Variants in HYLS1 observed in about 807,000 individuals in gnomAD.
HYLS1 encodes the protein HYLS1 centriolar and ciliogenesis associated, also known as centriolar and ciliogenesis-associated protein HYLS1.
HYLS1 carries 25 observed loss-of-function variants against 29.4 expected under a neutral mutation model. The ratio of observed to expected loss-of-function variants is 0.85; its 90% CI spans 0.62 to 1.19. The LOEUF (loss-of-function observed/expected upper bound fraction) is 1.19. HYLS1 is among the 50% of genes most tolerant of loss of function. The probability of loss-of-function intolerance (pLI) is 0.00; values close to 1 mark genes in which losing one functional copy is unlikely to be tolerated. For synonymous variants in HYLS1, 128 were observed against 126.7 expected (o/e 1.01, Z -0.07); for missense variants, 352 against 365.1 (o/e 0.96, Z 0.29).
At chr11:125,894,242 T>C in intron 2 of HYLS1, 1 of 1,613,026 alleles carries the variant, frequency 6.2e-7, no homozygotes, top group African/African-American at 1.3e-5. Flanking sequence ...CTTGACATTT[T>C]CAAACTTACA....
At chr11:125,888,882 C>T (rs1268251540) in intron 1 of HYLS1, among the ~76,000 whole-genome samples, 1 of 151,584 alleles carries the variant, frequency 6.6e-6, no homozygotes, top group Admixed American at 6.6e-5. Flanking sequence ...ATAAATCGGA[C>T]AAGAATGCAA....
At chr11:125,893,731 T>G (rs1944480284) in intron 2 of HYLS1, 1 of 1,385,410 alleles carries the variant, frequency 7.2e-7, no homozygotes, top group African/African-American at 1.5e-5. Flanking sequence ...TTTTTTTTCC[T>G]TTTCTGTCCA....
intron 1 of HYLS1, among the ~76,000 whole-genome samples, chr11:125,889,550 A>G (rs1429584936): frequency 2.0e-5 from 3 of 152,244 alleles, no homozygotes; most frequent in African/African-American, 7.2e-5. Flanking sequence ...CCTGGCCAAC[A>G]TGGTGAAACC....
chr11:125,896,143 C>A, intron 2 of HYLS1: 1 of 1,614,214 alleles, frequency 6.2e-7, no homozygotes, highest in South Asian at 1.1e-5. Flanking sequence ...GTTTTTCCAG[C>A]TCCTGCTGAA....
intron 1 of HYLS1, among the ~76,000 whole-genome samples, chr11:125,888,952 G>A (rs897622256): frequency 6.6e-6 from 1 of 152,036 alleles, no homozygotes; most frequent in Non-Finnish European, 1.5e-5. Context: ...AAAGAAGAAA[G>A]AAAATACTCG....
Position 125,896,145 on chromosome 11 carries a change from C to T in HYLS1, c.-25-3199C>T, listed in dbSNP as rs1277486162. The T allele has an allele frequency of 2.5e-6, 4 of 1,614,172 alleles. No individual in the cohort carries two copies. The highest frequency in any genetic ancestry group is 2.2e-5 in the East Asian group (1 of 44,886). Reference sequence around the variant, plus strand: ...AAATGCACGCTTAGTTTTTCCAGCTCCTGCTGAATTTTCTCTAATGTTTGA... The same window carrying T: ...AAATGCACGCTTAGTTTTTCCAGCTTCTGCTGAATTTTCTCTAATGTTTGA... On this transcript the variant is annotated intron_variant, in intron 2 of 2. Coordinates refer to ENST00000425380, the MANE Select transcript of HYLS1 (RefSeq NM_001134793.2).
upstream of HYLS1, chr11:125,887,617 T>G (rs1944328020): frequency 6.6e-6 from 1 of 152,302 alleles, no homozygotes; most frequent in Admixed American, 6.5e-5. Context: ...GCTCTCCGGA[T>G]TTAAACCTCA....
At position 125,896,266 on chromosome 11, in the gene HYLS1, CTG is replaced by C. The variant is rs1208593429; in HGVS notation, c.-25-3074_-25-3073del. On this transcript the variant is annotated intron_variant, in intron 2 of 2. Coordinates refer to ENST00000425380, the MANE Select transcript of HYLS1 (RefSeq NM_001134793.2). ...AGGAGCTTCTCAGTCTGGTTTCTGT[CTG>C]TGTCATTATAAGCCATGATATGACA... The C allele has an allele frequency of 6.2e-7, 1 of 1,611,126 alleles. No homozygotes were observed. The highest frequency in any genetic ancestry group is 8.5e-7 in the Non-Finnish European group (1 of 1,177,566).
upstream of HYLS1, chr11:125,886,939 A>AAAAAAAG (rs56367330): frequency 6.6e-6 from 1 of 152,346 alleles, no homozygotes; most frequent in Non-Finnish European, 1.4e-5. Context: ...AAAAAAAAAA[A>AAAAAAAG]GTTGAGAGTA....
Position 125,899,787 on chromosome 11 carries a change from T to C in HYLS1, c.419T>C (p.Phe140Ser). Residue 140 changes from phenylalanine (F) to serine (S), a missense_variant, in exon 3 of 3, where the codon TTC becomes TCC. Phe to Ser is a radical substitution (Grantham distance 155). Transcript: ENST00000425380. Reference sequence around the variant, plus strand: ...AGACAAAGGCTGATGAATGTACAGTTCCAGGAAGACAAGGAATCTTCATTT... The same window carrying C: ...AGACAAAGGCTGATGAATGTACAGTCCCAGGAAGACAAGGAATCTTCATTT... ...DLRQRLMNVQ[F>S]QEDKESSFDV... 1 of 1,614,202 alleles carries C rather than the reference T, an allele frequency of 6.2e-7. No individual in the cohort carries two copies. The highest frequency in any genetic ancestry group is 8.5e-7 in the Non-Finnish European group (1 of 1,180,008).
intron 2 of HYLS1, chr11:125,893,997 T>C (rs1328076155): frequency 6.2e-7 from 1 of 1,614,016 alleles, no homozygotes; most frequent in Admixed American, 1.7e-5. Context: ...ATGAGGGGCT[T>C]ATATGTGCGC....
At chr11:125,891,956 A>G (rs1196424903) in intron 2 of HYLS1, among the ~76,000 whole-genome samples, 1 of 152,170 alleles carries the variant, frequency 6.6e-6, no homozygotes, top group African/African-American at 2.4e-5. Context: ...TATTGTTTTT[A>G]ATTGTCCCAT....
chr11:125,891,141 C>G (rs1944400690), intron 1 of HYLS1, among the ~76,000 whole-genome samples: 1 of 152,174 alleles, frequency 6.6e-6, no homozygotes. Flanking sequence ...AGTACTTTTG[C>G]AAAGTTGCAT....
chr11:125,895,044 G>A (rs1450434291), intron 2 of HYLS1, among the ~76,000 whole-genome samples: 1 of 149,760 alleles, frequency 6.7e-6, no homozygotes, highest in East Asian at 2.0e-4. Flanking sequence ...AGGAGGATAT[G>A]CTATTTCTTT....
chr11:125,894,374 G>A, intron 2 of HYLS1: 2 of 1,049,788 alleles, frequency 1.9e-6, no homozygotes, highest in South Asian at 3.1e-5. Context: ...CGTTAAGGGA[G>A]CCGGGTAGGG....
Position 125,899,861 on chromosome 11 carries a change from C to T in HYLS1, c.493C>T (p.Gln165Ter), listed in dbSNP as rs769343521. The change falls in exon 3 of 3, where the codon CAA becomes TAA. Residue 165 changes from glutamine to a stop codon, truncating the protein, a stop_gained. Coordinates refer to ENST00000425380, the MANE Select transcript of HYLS1 (RefSeq NM_001134793.2). LOFTEE classifies it high-confidence loss of function. ...ACCACATGAATACCAAGGAATTTCT[C>T]AAGATCAGCTCATTTGCTCTCTACA... ...NLPHEYQGIS[Q>*]DQLICSLQRE... 1 of 1,614,094 alleles carries T rather than the reference C, an allele frequency of 6.2e-7. No individual in the cohort carries two copies. Among genetic ancestry groups the T allele is most frequent in the African/African-American group, 1.3e-5 (1 of 74,936 alleles).
At chr11:125,898,085 C>G (rs1013775179) in intron 2 of HYLS1, among the ~76,000 whole-genome samples, 1 of 151,750 alleles carries the variant, frequency 6.6e-6, no homozygotes, top group African/African-American at 2.4e-5. Flanking sequence ...GTAGTGTTGT[C>G]CTTTACGGTA....
intron 2 of HYLS1, among the ~76,000 whole-genome samples, chr11:125,897,562 C>T (rs1047459212): frequency 2.0e-5 from 3 of 147,552 alleles, no homozygotes; most frequent in African/African-American, 5.0e-5. Context: ...GTCAAATGGG[C>T]AAAGACCAAG....
chr11:125,900,587 G>A lies in HYLS1; in HGVS notation c.*319G>A, dbSNP rs1203626263. 2.9e-6 allele frequency: 1 copy of A among 347,500 alleles called. No homozygotes were observed. Among genetic ancestry groups the A allele is most frequent in the Non-Finnish European group, 5.6e-6 (1 of 177,046 alleles). 21.5% of individuals were successfully genotyped at this position (347,500 alleles called of 1,614,324 possible). On this transcript the variant is annotated 3_prime_UTR_variant, in exon 3 of 3. Coordinates refer to ENST00000425380, the MANE Select transcript of HYLS1 (RefSeq NM_001134793.2). ...TATCAATATGAGTTGCTGTGCTTCA[G>A]TGTGTGTTTTTTAAGTTGCTGGGCA... is the stretch of plus-strand genomic sequence containing the variant.
Sources: allele counts gnomAD v4.1 joint callset (sites outside exome capture counted in the v4.1 genomes callset), GRCh38; gene constraint gnomAD v4.1.1; transcripts MANE v1.5; gene names NCBI Gene and HGNC (gene_info 2026-07-23, HGNC 2026-07-21).